The following FAM149A variants were observed in gnomAD, a reference collection of about 807,000 sequenced individuals.
FAM149A encodes family with sequence similarity 149 member A, also known as protein FAM149A.
A neutral mutation model predicts 78.2 loss-of-function variants in FAM149A; 71 were observed. The ratio of observed to expected loss-of-function variants is 0.91; its 90% CI spans 0.75 to 1.11. FAM149A has a LOEUF of 1.11. Ranked by LOEUF, FAM149A falls within the 50% of genes least tolerant of loss-of-function variation. FAM149A has a pLI of 0.00. For synonymous variants in FAM149A, 446 were observed against 410.5 expected (o/e 1.09, Z -1.04); for missense variants, 1,036 against 971.0 (o/e 1.07, Z -0.89).
intron 1 of FAM149A, among the ~76,000 whole-genome samples, chr4:186,138,496 G>A (rs772405984): frequency 3.7e-4 from 56 of 152,270 alleles, no homozygotes; most frequent in African/African-American, 1.3e-3. Flanking sequence ...TGTATTAACC[G>A]TCACCACCAG....
chr4:186,133,443 G>A (rs1233013997), intron 1 of FAM149A, among the ~76,000 whole-genome samples: 1 of 152,122 alleles, frequency 6.6e-6, no homozygotes, highest in South Asian at 2.1e-4. Context: ...ATATATATAA[G>A]TGGAATCATA....
At chr4:186,157,876 G>A (rs1346172851) in intron 8 of FAM149A, 157 bp downstream of exon 8, 14 of 1,539,882 alleles carry the variant, frequency 9.1e-6, no homozygotes, top group Non-Finnish European at 1.1e-5. Context: ...AACTTAAAGG[G>A]AAACCTTCAC....
At chr4:186,120,805 A>AAAAG (rs2099315712) in intron 1 of FAM149A, among the ~76,000 whole-genome samples, 1 of 150,066 alleles carries the variant, frequency 6.7e-6, no homozygotes, top group Non-Finnish European at 1.5e-5. Context: ...AAAAAAAAAA[A>AAAAG]AAAAAGTTAG....
rs375867048 is a variant in FAM149A at position 186,169,466 on chromosome 4, T to TAAGTCTTATCCCTCAA, written c.2218+2212_2218+2227dup. 1.8e-3 allele frequency: 1,807 copies of TAAGTCTTATCCCTCAA among 985,338 alleles called. 20 individuals are homozygous for TAAGTCTTATCCCTCAA. The African/African-American group carries it at 0.028, about 15-fold the overall frequency. 61.0% of individuals were successfully genotyped at this position (985,338 alleles called of 1,614,324 possible). A position where few individuals can be genotyped will look rare whatever the true frequency, so the allele number is the denominator to read the frequency against. On this transcript the variant is annotated intron_variant, in intron 13 of 13. Transcript: ENST00000389354. ...GATTTGAGCTTGGGAGCGGGAGGCC[T>TAAGTCTTATCCCTCAA]AAGTCTTATCCCTCAAAAGTCTTGT...
rs1048538121 is a variant in FAM149A at position 186,104,866 on chromosome 4, CCGGGGCGCTCGGCGGA to C, written c.-207_-192del. On this transcript the variant is annotated 5_prime_UTR_variant, in exon 1 of 14. Transcript: ENST00000389354. ...GACGAGGCGGGGCTGCTCTCCGCAG[CCGGGGCGCTCGGCGGA>C]CGGACCCGGGCCGGGGAAGGGCGAC... 2 of 740,206 alleles carry C rather than the reference CCGGGGCGCTCGGCGGA, an allele frequency of 2.7e-6. No individual in the cohort carries two copies. Among genetic ancestry groups the C allele is most frequent in the African/African-American group, 3.8e-5 (2 of 52,310 alleles). The allele number at this position is 740,206 out of a possible 1,614,324, so 45.9% of individuals were successfully genotyped here.
chr4:186,154,435 A>T, intron 5 of FAM149A, 33 bp from the exon 6 acceptor site: 2 of 1,570,820 alleles, frequency 1.3e-6, no homozygotes, highest in Non-Finnish European at 1.7e-6. Context: ...GTGTTCTATA[A>T]ACTCCCATGT....
At chr4:186,133,617 C>A (rs927337608) in intron 1 of FAM149A, among the ~76,000 whole-genome samples, 2 of 152,144 alleles carry the variant, frequency 1.3e-5, no homozygotes, top group African/African-American at 2.4e-5. Context: ...TGTTGATGGA[C>A]ATTTGGGTTG....
intron 1 of FAM149A, among the ~76,000 whole-genome samples, chr4:186,148,237 G>A (rs1733211726): frequency 6.6e-6 from 1 of 152,228 alleles, no homozygotes; most frequent in South Asian, 2.1e-4. Flanking sequence ...TGAGGCAGGA[G>A]AATTACTTGA....
chr4:186,152,539 CTTTTTTTT>C (rs10718602), intron 4 of FAM149A, among the ~76,000 whole-genome samples: 7 of 88,270 alleles, frequency 7.9e-5, no homozygotes, highest in South Asian at 4.7e-4. Flanking sequence ...TTTCTTTTTG[CTTTTTTTT>C]TTTTTTTTTT....
At chr4:186,158,304 C>T in intron 8 of FAM149A, 1 of 1,216,954 alleles carries the variant, frequency 8.2e-7, no homozygotes, top group Non-Finnish European at 1.0e-6. Context: ...TCTTGGCTAG[C>T]CCACCTCCCA....
At chr4:186,165,241 C>A in intron 10 of FAM149A, 103 bp from the exon 11 acceptor site, 1 of 1,267,458 alleles carries the variant, frequency 7.9e-7, no homozygotes, top group Non-Finnish European at 1.1e-6. Flanking sequence ...CTCCTGTGTG[C>A]CCCTCACGCA....
chr4:186,133,048 G>C (rs912428929), intron 1 of FAM149A: 11 of 985,260 alleles, frequency 1.1e-5, no homozygotes, highest in Non-Finnish European at 1.3e-5. Context: ...AGGAATGTGA[G>C]TAAAGGCTTC....
chr4:186,111,866 C>G (rs990092404), intron 1 of FAM149A, among the ~76,000 whole-genome samples: 4 of 151,512 alleles, frequency 2.6e-5, no homozygotes, highest in Admixed American at 6.6e-5. Context: ...TTAGGATTGC[C>G]TTGGCGATGT....
rs1005211290 is a variant in FAM149A at position 186,163,540 on chromosome 4, C to T, written c.1796C>T (p.Pro599Leu). The change falls in exon 10 of 14, where the codon CCA becomes CTA. Residue 599 changes from proline to leucine, a missense_variant. Pro to Leu is a moderately conservative substitution (Grantham distance 98, BLOSUM62 -3). This residue lies in a region of FAM149A where 716 missense variants were observed against 711.8 expected (regional missense o/e 1.01). Transcript: ENST00000389354. ...TTATCACCTTCTGCAAAGAAAACAC[C>T]AGTGCCCTGGAGGCTGCCTTCTCTT... 3 of 1,614,038 alleles carry T rather than the reference C, an allele frequency of 1.9e-6. No individual in the cohort carries two copies. The highest frequency in any genetic ancestry group is 2.2e-5 in the South Asian group (2 of 91,080).
chr4:186,160,510 TAC>T (rs1005014920), intron 8 of FAM149A, among the ~76,000 whole-genome samples: 1 of 124,006 alleles, frequency 8.1e-6, no homozygotes, highest in South Asian at 2.7e-4. Flanking sequence ...ACATACCAAA[TAC>T]ACACATACAC....
rs1734847369 is a variant in FAM149A, at chr4:186,164,364, C to T, written c.1889+731C>T. The T allele has an allele frequency of 7.0e-6, 4 of 570,818 alleles. No individual in the cohort carries two copies. Among genetic ancestry groups the T allele is most frequent in the Non-Finnish European group, 8.9e-6 (4 of 451,094 alleles). The allele number at this position is 570,818 out of a possible 1,614,324, so 35.4% of individuals were successfully genotyped here. The stretch of plus-strand genomic sequence containing the variant: ...CGCCAGGAAGAGGCCCAGCCGGACA[C>T]ACCCACAAGTGCTCTCAGGCTTTAG... On this transcript the variant is annotated intron_variant, in intron 10 of 13. Coordinates refer to ENST00000389354, the MANE Select transcript of FAM149A (RefSeq NM_001367768.3). This position sits in a 1 kb window ranked among gnomAD's most constrained non-coding sequence, Gnocchi z 4.0.
chr4:186,169,097 A>T, intron 13 of FAM149A: 1 of 607,266 alleles, frequency 1.6e-6, no homozygotes, highest in Non-Finnish European at 2.1e-6. Context: ...GTTGGAGCAC[A>T]CGTAAGTAGA....
At chr4:186,150,442 C>T (rs571600276) in intron 3 of FAM149A, among the ~76,000 whole-genome samples, 38 of 88,498 alleles carry the variant, frequency 4.3e-4, no homozygotes, top group East Asian at 1.6e-3. Context: ...TTTTTTGAGA[C>T]GGAGTCTCGC....
intron 1 of FAM149A, chr4:186,147,093 G>A: frequency 1.6e-6 from 1 of 615,426 alleles, no homozygotes. Context: ...GATGATAATA[G>A]CAGTGAGAGG....
Sources: allele counts gnomAD v4.1 joint callset (sites outside exome capture counted in the v4.1 genomes callset), GRCh38; gene constraint gnomAD v4.1.1; regional missense constraint gnomAD v4.1.1; non-coding constraint Gnocchi (gnomAD v3.1); transcripts MANE v1.5; gene names NCBI Gene and HGNC (gene_info 2026-07-23, HGNC 2026-07-21).